Variants in VRK2 observed in about 807,000 individuals in gnomAD.
VRK2 encodes serine/threonine-protein kinase VRK2.
In VRK2, 60 loss-of-function variants were observed where a neutral mutation model predicts 57.6. The ratio of observed to expected loss-of-function variants is 1.04; its 90% CI spans 0.85 to 1.29. The LOEUF (loss-of-function observed/expected upper bound fraction) is 1.29. Ranked by LOEUF, VRK2 falls within the 50% of genes most tolerant of loss-of-function variation. VRK2 has a pLI of 0.00. For synonymous variants in VRK2, 231 were observed against 199.2 expected (o/e 1.16, Z -1.35); for missense variants, 705 against 588.1 (o/e 1.20, Z -2.06).
exon 2 of VRK2, chr2:58,025,706 G>C (rs1673903184): frequency 6.6e-6 from 1 of 152,140 alleles, no homozygotes; most frequent in African/African-American, 2.4e-5. Flanking sequence ...ATGCCCTTCT[G>C]TTTTGGAATG....
At chr2:57,908,842 G>C (rs1016466964) in intron 1 of VRK2, among the ~76,000 whole-genome samples, 15 of 152,234 alleles carry the variant, frequency 9.9e-5, no homozygotes, top group East Asian at 3.9e-4. Context: ...GTGACCTAAG[G>C]GTTGCTGGGT....
intron 2 of VRK2, among the ~76,000 whole-genome samples, chr2:58,056,096 C>G (rs114161743): frequency 0.011 from 1,619 of 152,022 alleles, 29 homozygotes; most frequent in African/African-American, 0.037. Flanking sequence ...CCTCCCCCAC[C>G]CCCTAAAAGA....
intron 1 of VRK2, among the ~76,000 whole-genome samples, chr2:57,947,931 A>G (rs1204448045): frequency 6.6e-6 from 1 of 152,224 alleles, no homozygotes; most frequent in South Asian, 2.1e-4. Context: ...ATTCTGTTAA[A>G]CCAGATTTAT....
At chr2:57,971,821 A>G (rs986820822) in intron 1 of VRK2, among the ~76,000 whole-genome samples, 14 of 151,942 alleles carry the variant, frequency 9.2e-5, no homozygotes, top group Admixed American at 9.2e-4. Context: ...AGTCTGCTTT[A>G]CATAGGAAAG....
chr2:57,918,908 C>G (rs1014412428), intron 1 of VRK2, among the ~76,000 whole-genome samples: 2 of 152,092 alleles, frequency 1.3e-5, no homozygotes, highest in Non-Finnish European at 2.9e-5. Context: ...TTCTATGTAT[C>G]TGAAGATTTT....
chr2:57,933,309 C>CTTTTTTTTTTTTTTTTT lies in VRK2; in HGVS notation c.-439+25476_-439+25492dup, dbSNP rs71394403. Among the ~76,000 whole-genome samples, 107 of 63,300 alleles carry CTTTTTTTTTTTTTTTTT rather than the reference C, an allele frequency of 1.7e-3. 1 individual carries two copies. The highest frequency in any genetic ancestry group is 2.4e-3 in the South Asian group (4 of 1,660). 41.5% of individuals were successfully genotyped at this position (63,300 alleles called of 152,430 possible). On this transcript the variant is annotated intron_variant, in intron 1 of 15. Transcript: ENST00000417641. ...TGCTATTTCTTATTTCTTTCTTTTT[C>CTTTTTTTTTTTTTTTTT]TTTTTTTTTTTTTTTTTTTTTTGAG...
At chr2:57,958,785 G>C (rs1671666774) in intron 1 of VRK2, among the ~76,000 whole-genome samples, 1 of 151,958 alleles carries the variant, frequency 6.6e-6, no homozygotes, top group Admixed American at 6.6e-5. Context: ...TAATATCATT[G>C]GTCACAAAGG....
intron 1 of VRK2, among the ~76,000 whole-genome samples, chr2:57,931,228 T>C (rs1670713304): frequency 6.6e-6 from 1 of 152,206 alleles, no homozygotes. Flanking sequence ...TTTTTCATAA[T>C]GGCTGTACCA....
rs1006927523 is a variant in VRK2 at position 58,049,599 on chromosome 2, T to C, written c.136+632T>C. On this transcript the variant is annotated intron_variant, in intron 2 of 12. Coordinates refer to ENST00000340157, the MANE Select transcript of VRK2 (RefSeq NM_006296.7). ...AGCATTTAAAAATTACACTGAACTT[T>C]AATGGATCATTGAGTTGGAATGAGG... Among the ~76,000 whole-genome samples the C allele has an allele frequency of 3.3e-5, 5 of 152,206 alleles. No individual in the cohort carries two copies. In the East Asian group the frequency reaches 5.8e-4, roughly 18 times the overall value.
chr2:58,006,483 C>T (rs1458196397), intron 1 of VRK2, among the ~76,000 whole-genome samples: 4 of 152,114 alleles, frequency 2.6e-5, no homozygotes, highest in Non-Finnish European at 4.4e-5. Context: ...AGAAGACATA[C>T]CACTGACCAA....
intron 1 of VRK2, among the ~76,000 whole-genome samples, chr2:57,978,635 C>A (rs75533361): frequency 2.1e-5 from 3 of 145,448 alleles, no homozygotes; most frequent in African/African-American, 7.8e-5. Flanking sequence ...GGCCAAGTAT[C>A]TTTTTTTTTT....
intron 1 of VRK2, among the ~76,000 whole-genome samples, chr2:57,990,198 A>G (rs900890850): frequency 2.6e-5 from 4 of 152,216 alleles, no homozygotes. Context: ...TGTGAGAACA[A>G]TTTCTGAAAA....
chr2:58,108,924 T>G (rs1675147328), intron 7 of VRK2, among the ~76,000 whole-genome samples: 1 of 152,206 alleles, frequency 6.6e-6, no homozygotes, highest in Non-Finnish European at 1.5e-5. Flanking sequence ...ACTCATCCTT[T>G]TTTCTCATTC....
At chr2:58,089,599 G>C in intron 6 of VRK2, 32 bp from the exon 7 acceptor site, 3 of 1,420,488 alleles carry the variant, frequency 2.1e-6, no homozygotes, top group Non-Finnish European at 2.9e-6. Flanking sequence ...CTAAATAGCA[G>C]TAAACCTTAT....
At chr2:57,911,878 A>G (rs1669996344) in intron 1 of VRK2, among the ~76,000 whole-genome samples, 2 of 152,232 alleles carry the variant, frequency 1.3e-5, no homozygotes, top group Non-Finnish European at 2.9e-5. Flanking sequence ...GTCAATTGAT[A>G]CATTATGTAT....
At chr2:58,081,781 A>G (rs144051870) in intron 2 of VRK2, among the ~76,000 whole-genome samples, 30 of 151,794 alleles carry the variant, frequency 2.0e-4, no homozygotes, top group Middle Eastern at 3.4e-3. Context: ...TTTGATGAAC[A>G]TGTATTTAAT....
chr2:57,970,543 G>C (rs1396382892), intron 1 of VRK2, among the ~76,000 whole-genome samples: 3 of 146,800 alleles, frequency 2.0e-5, no homozygotes, highest in African/African-American at 7.5e-5. Flanking sequence ...AAAATATAAA[G>C]AAAACATTAA....
At position 58,146,315 on chromosome 2, in the gene VRK2, G is replaced by A. The variant is rs56371063; in HGVS notation, c.1024-1G>A. On this transcript the variant is annotated splice_acceptor_variant, in intron 11 of 12. Coordinates refer to ENST00000340157, the MANE Select transcript of VRK2 (RefSeq NM_006296.7). LOFTEE classifies it high-confidence loss of function. ...TATTATTACTTACTCTATACCAACA[G>A]GTTGATTCACAAAAGGCTGCAACAA... 7 of 1,606,872 alleles carry A rather than the reference G, an allele frequency of 4.4e-6. No individual in the cohort carries two copies. In the Middle Eastern group the frequency reaches 8.3e-4, roughly 191 times the overall value.
intron 1 of VRK2, among the ~76,000 whole-genome samples, chr2:57,942,133 A>C (rs1360424418): frequency 6.6e-6 from 1 of 152,136 alleles, no homozygotes; most frequent in African/African-American, 2.4e-5. Context: ...AGTGACAAAA[A>C]CTTTTTAGCA....
Sources: gnomAD v4.1 joint callset for allele counts (sites outside exome capture counted in the v4.1 genomes callset) on GRCh38, gnomAD v4.1.1 for gene constraint, MANE v1.5 for transcripts, NCBI Gene and HGNC (gene_info 2026-07-23, HGNC 2026-07-21) for gene names.